DYNLT2: variants seen among roughly 807,000 people sequenced by gnomAD.
DYNLT2 encodes the protein dynein light chain Tctex-type 2, also known as dynein light chain Tctex-type protein 2.
DYNLT2 carries 24 observed loss-of-function variants against 24.3 expected under a neutral mutation model. The ratio of observed to expected loss-of-function variants is 0.99; its 90% confidence interval spans 0.71 to 1.39. The LOEUF (loss-of-function observed/expected upper bound fraction) is 1.39. Among genes scored for constraint, DYNLT2 ranks in the 40% most tolerant of loss-of-function variants. DYNLT2 has a pLI of 0.00. For missense variants in DYNLT2, 246 were observed against 234.5 expected, an observed-to-expected ratio of 1.05 and a Z score of -0.32; for synonymous variants, 85 against 85.4, an observed-to-expected ratio of 1.00 and a Z score of 0.03.
At chr6:169,735,137 C>G (rs1789535915), downstream of DYNLT2, among the ~76,000 whole-genome samples, 1 of 151,840 alleles carries the variant, frequency 6.6e-6, no homozygotes, top group African/African-American at 2.4e-5. Flanking sequence ...TGGTGATATC[C>G]CCTTTATCAT....
At chr6:169,728,050 A>G in the DYNLT2 span, among the ~76,000 whole-genome samples, 1 of 152,212 alleles carries the variant, frequency 6.6e-6, no homozygotes, top group Non-Finnish European at 1.5e-5. Flanking sequence ...TCATGAATTT[A>G]AAGTGAAACT....
chr6:169,743,017 A>T, intron 3 of DYNLT2, 63 bp downstream of exon 3: 19 of 1,300,980 alleles, frequency 1.5e-5, no homozygotes, highest in Non-Finnish European at 1.7e-5. Flanking sequence ...TAAAAATCAA[A>T]TCACTAGGGA....
chr6:169,744,009 TTC>T, intron 2 of DYNLT2, 57 bp downstream of exon 2: 2 of 1,502,576 alleles, frequency 1.3e-6, no homozygotes, highest in East Asian at 2.3e-5. Flanking sequence ...TATATATAAT[TTC>T]TGTTTCTCTG....
chr6:169,744,603 G>A (rs1406894767), intron 1 of DYNLT2, among the ~76,000 whole-genome samples: 1 of 152,190 alleles, frequency 6.6e-6, no homozygotes, highest in African/African-American at 2.4e-5. Flanking sequence ...GGGCAACTGA[G>A]TGGCTATGGG....
chr6:169,747,977 G>A (rs544255408), intron 1 of DYNLT2, among the ~76,000 whole-genome samples: 2 of 152,326 alleles, frequency 1.3e-5, no homozygotes, highest in South Asian at 4.1e-4. Context: ...TGATAAGCCA[G>A]ATCAGAGAAC....
chr6:169,730,957 C>A, the DYNLT2 span, among the ~76,000 whole-genome samples: 4 of 152,096 alleles, frequency 2.6e-5, no homozygotes, highest in Admixed American at 2.6e-4. Flanking sequence ...CTAGTGGGGT[C>A]AGGTGATACT....
chr6:169,751,551 T>A lies in DYNLT2; in HGVS notation c.-93A>T. The A allele has an allele frequency of 3.1e-6, 5 of 1,610,468 alleles. No individual in the cohort carries two copies. Among genetic ancestry groups the A allele is most frequent in the South Asian group, 1.1e-5 (1 of 90,738 alleles). Reference sequence around the variant, plus strand: ...CCCGCGAGGGCGGAAGTCTCCCACCTGCGCCTCGTACGGTAGGAAGTGCCC... The same window carrying A: ...CCCGCGAGGGCGGAAGTCTCCCACCAGCGCCTCGTACGGTAGGAAGTGCCC... On this transcript the variant is annotated 5_prime_UTR_variant, in exon 1 of 4. Transcript: ENST00000366774.
chr6:169,740,396 C>A, intron 3 of DYNLT2, 101 bp from the exon 4 acceptor site: 1 of 704,420 alleles, frequency 1.4e-6, no homozygotes, highest in East Asian at 2.6e-5. Context: ...ATCAGTATCT[C>A]AGAAATTATT....
rs747117883 is a variant in DYNLT2, at chr6:169,740,202, C to T, written c.580G>A (p.Ala194Thr). The change falls in exon 4 of 4, where the codon GCC (alanine) becomes ACC (threonine). Residue 194 changes from alanine to threonine, a missense_variant. Ala to Thr is a moderately conservative substitution (Grantham distance 58). Coordinates refer to ENST00000366774, the MANE Select transcript of DYNLT2 (RefSeq NM_174910.3). ...ESYVALVLVF[A>T]LYYE ...GTAATGAGCTATTCATAATAAAGGG[C>T]AAACACCAAGACCAGTGCCACGTAG... 1 of 1,613,104 alleles carries T rather than the reference C, an allele frequency of 6.2e-7. No homozygotes were observed. Among genetic ancestry groups the T allele is most frequent in the Admixed American group, 1.7e-5 (1 of 59,986 alleles).
At chr6:169,744,558 C>T (rs1468671648) in intron 1 of DYNLT2, among the ~76,000 whole-genome samples, 1 of 152,046 alleles carries the variant, frequency 6.6e-6, no homozygotes, top group Non-Finnish European at 1.5e-5. Flanking sequence ...CATGGATGAT[C>T]CAAAGGAACT....
At chr6:169,743,735 C>T (rs1030854704) in intron 2 of DYNLT2, among the ~76,000 whole-genome samples, 1 of 152,158 alleles carries the variant, frequency 6.6e-6, no homozygotes, top group African/African-American at 2.4e-5. Context: ...TCTCTCACTC[C>T]ACTAATTTTT....
chr6:169,737,216 A>T (rs1472714041), downstream of DYNLT2, among the ~76,000 whole-genome samples: 1 of 152,160 alleles, frequency 6.6e-6, no homozygotes, highest in East Asian at 1.9e-4. Context: ...CAATTGCTCT[A>T]ACTTTTTATG....
chr6:169,743,770 C>T (rs1438926517), intron 2 of DYNLT2, among the ~76,000 whole-genome samples: 1 of 152,092 alleles, frequency 6.6e-6, no homozygotes, highest in Non-Finnish European at 1.5e-5. Context: ...AAAATGAAAT[C>T]AAAGATTTCT....
chr6:169,743,109 A>C lies in DYNLT2; in HGVS notation c.457T>G (p.Phe153Val). 1.9e-6 allele frequency: 3 copies of C among 1,575,330 alleles called. No individual in the cohort carries two copies. The highest frequency in any genetic ancestry group is 2.6e-6 in the Non-Finnish European group (3 of 1,155,368). ...HRYKFIIKVLFIQKTGQAINI... is the reference protein window; with the variant it reads ...HRYKFIIKVLVIQKTGQAINI... ...ATTGCTTGGCCAGTCTTTTGAATAA[A>C]TAATACTTTTATAATGAACTTATAA... The change falls in exon 3 of 4, where the codon TTT (phenylalanine) becomes GTT (valine). Residue 153 changes from phenylalanine (F) to valine (V), a missense_variant. By Grantham distance (50) the Phe-to-Val change is conservative (BLOSUM62 -1). Coordinates refer to ENST00000366774, the MANE Select transcript of DYNLT2 (RefSeq NM_174910.3).
the DYNLT2 span, among the ~76,000 whole-genome samples, chr6:169,726,339 A>G: frequency 6.6e-6 from 1 of 152,248 alleles, no homozygotes; most frequent in Non-Finnish European, 1.5e-5. Context: ...TTTACTACCA[A>G]CTAAAAAAAA....
chr6:169,725,113 G>T, the DYNLT2 span: 19,131 of 398,670 alleles, frequency 0.048, 558 homozygotes, highest in Non-Finnish European at 0.065. Flanking sequence ...ATTTATTACT[G>T]ATCTCGGGCT....
chr6:169,734,638 A>C, the DYNLT2 span, among the ~76,000 whole-genome samples: 1 of 152,204 alleles, frequency 6.6e-6, no homozygotes, highest in Non-Finnish European at 1.5e-5. Context: ...GATGAAGCCG[A>C]CTTGATCGTG....
the DYNLT2 span, among the ~76,000 whole-genome samples, chr6:169,726,114 T>C: frequency 7.2e-5 from 11 of 152,258 alleles, no homozygotes; most frequent in African/African-American, 2.4e-4. Flanking sequence ...TTATTTAGGT[T>C]GACAAGATCA....
intron 2 of DYNLT2, 51 bp downstream of exon 2, chr6:169,744,017 C>G (rs1282826050): frequency 6.5e-7 from 1 of 1,531,436 alleles, no homozygotes; most frequent in Non-Finnish European, 8.9e-7. Context: ...ATTTCTGTTT[C>G]TCTGTAGAAC....
Sources: gnomAD v4.1 joint callset for allele counts (sites outside exome capture counted in the v4.1 genomes callset) on GRCh38, gnomAD v4.1.1 for gene constraint, MANE v1.5 for transcripts, NCBI Gene and HGNC (gene_info 2026-07-23, HGNC 2026-07-21) for gene names.